Variants in HIPK3 observed in about 807,000 individuals in gnomAD.
HIPK3 encodes homeodomain interacting protein kinase 3, also known as homeodomain-interacting protein kinase 3.
Under a neutral mutation model 124.2 loss-of-function variants are expected in HIPK3, and 47 were observed. The ratio of observed to expected loss-of-function variants is 0.38; its 90% confidence interval spans 0.30 to 0.48. The LOEUF is 0.48. Among genes scored for constraint, HIPK3 ranks in the 20% least tolerant of loss-of-function variants. HIPK3 has a pLI of 0.98. For missense variants in HIPK3, 1,286 were observed against 1,454.3 expected, an observed-to-expected ratio of 0.88 and a Z score of 1.88; for synonymous variants, 482 against 515.2, an observed-to-expected ratio of 0.94 and a Z score of 0.87.
rs1853310205 is a variant in HIPK3 at position 33,340,812 on chromosome 11, A to G, written c.1614-156A>G. Reference sequence around the variant, plus strand: ...CTCTGAAACTTAATCTTTTCTGGTAAGATTTCCTGTTAGAAATACTATTGG... The same window carrying G: ...CTCTGAAACTTAATCTTTTCTGGTAGGATTTCCTGTTAGAAATACTATTGG... On this transcript the variant is annotated intron_variant, in intron 6 of 16. Transcript: ENST00000303296. Among the ~76,000 whole-genome samples, 2 of 152,238 alleles carry G rather than the reference A, an allele frequency of 1.3e-5. 1 individual carries two copies. The highest frequency in any genetic ancestry group is 4.1e-4 in the South Asian group (2 of 4,834).
chr11:33,257,574 G>A lies in HIPK3; in HGVS notation c.-318G>A. 1.0e-6 allele frequency: 1 copy of A among 985,894 alleles called. No individual in the cohort carries two copies. 61.1% of individuals were successfully genotyped at this position (985,894 alleles called of 1,614,324 possible). A position where few individuals can be genotyped will look rare whatever the true frequency, so the allele number is the denominator to read the frequency against. On this transcript the variant is annotated 5_prime_UTR_variant, in exon 1 of 17. Transcript: ENST00000303296. ...GGCCCCAGTAGCCGGAGGCCGACCG[G>A]CCTCCCACTACCCCTCGCCCTAGCC...
chr11:33,340,196 A>G (rs1853288706), intron 6 of HIPK3, among the ~76,000 whole-genome samples: 1 of 152,072 alleles, frequency 6.6e-6, no homozygotes, highest in Non-Finnish European at 1.5e-5. Context: ...TCCTCCCACC[A>G]CCTCAGCCTC....
chr11:33,347,667 C>G lies in HIPK3; in HGVS notation c.2058C>G (p.Ala686=). ...SGRTQQMLVP[A]WQQVTPLAPA... ...GAACACAGCAGATGCTGGTGCCTGCCTGGCAACAGGTGACACCCCTGGCTC... is the reference window on the plus strand; with the variant it reads ...GAACACAGCAGATGCTGGTGCCTGCGTGGCAACAGGTGACACCCCTGGCTC... The change falls in exon 10 of 17, where the codon GCC becomes GCG. Residue 686 remains alanine (A), a synonymous_variant. Transcript: ENST00000303296. 6.2e-7 allele frequency: 1 copy of G among 1,614,138 alleles called. No individual in the cohort carries two copies. Among genetic ancestry groups the G allele is most frequent in the East Asian group, 2.2e-5 (1 of 44,880 alleles).
chr11:33,302,782 C>G (rs543159389), intron 2 of HIPK3, among the ~76,000 whole-genome samples: 1 of 152,240 alleles, frequency 6.6e-6, no homozygotes, highest in South Asian at 2.1e-4. Context: ...AATGCTATTA[C>G]TGATTTTTAT....
intron 1 of HIPK3, among the ~76,000 whole-genome samples, chr11:33,263,669 G>T (rs1469818323): frequency 6.6e-6 from 1 of 152,168 alleles, no homozygotes; most frequent in Non-Finnish European, 1.5e-5. Flanking sequence ...GTGAAAAATT[G>T]TAATAGCTTG....
intron 8 of HIPK3, among the ~76,000 whole-genome samples, chr11:33,341,993 C>T (rs983427256): frequency 9.6e-5 from 14 of 146,002 alleles, no homozygotes; most frequent in Non-Finnish European, 1.5e-4. Flanking sequence ...CCCAGCTACT[C>T]GGGAGGCTGA....
intron 1 of HIPK3, among the ~76,000 whole-genome samples, chr11:33,276,121 CA>C (rs2133884580): frequency 6.6e-6 from 1 of 152,300 alleles, no homozygotes; most frequent in South Asian, 2.1e-4. Flanking sequence ...CTAGATTATT[CA>C]AATGTTAACA....
In HIPK3 at chr11:33,341,547, G is replaced by T. The variant is rs756416372; in HGVS notation, c.1774-16G>T. 3.9e-5 allele frequency: 63 copies of T among 1,602,242 alleles called. No individual in the cohort carries two copies. Among genetic ancestry groups the T allele is most frequent in the Non-Finnish European group, 4.9e-5 (58 of 1,175,100 alleles). ...CATTTAGAAGACTGCTCTATATAAT[G>T]TGCTCGTTGTTTCAGGCATTGACCA... On this transcript the variant is annotated splice_polypyrimidine_tract_variant and intron_variant, in intron 7 of 16. Coordinates refer to ENST00000303296, the MANE Select transcript of HIPK3 (RefSeq NM_005734.5).
rs1460554724 is a variant in HIPK3 at position 33,356,132 on chromosome 11, A to AATGTTGT, written c.*2567_*2573dup. 21 of 152,142 alleles carry AATGTTGT rather than the reference A, an allele frequency of 1.4e-4. No individual in the cohort carries two copies. The East Asian group carries it at 4.0e-3, about 29-fold the overall frequency. 9.4% of individuals were successfully genotyped at this position (152,142 alleles called of 1,614,324 possible). ...TTTAGGGCCATGTTTACTACCCTGA[A>AATGTTGT]ATGTTGTATTTTTTGTCTTTAATTT... On this transcript the variant is annotated 3_prime_UTR_variant, in exon 17 of 17. Transcript: ENST00000303296.
chr11:33,326,534 C>G (rs1852816476), intron 2 of HIPK3, among the ~76,000 whole-genome samples: 1 of 152,152 alleles, frequency 6.6e-6, no homozygotes, highest in African/African-American at 2.4e-5. Context: ...AGAGAAATAG[C>G]TGTTTTTAGG....
At chr11:33,329,189 A>G (rs1288917542) in intron 3 of HIPK3, among the ~76,000 whole-genome samples, 1 of 152,182 alleles carries the variant, frequency 6.6e-6, no homozygotes, top group African/African-American at 2.4e-5. Context: ...AGGTATATTC[A>G]TTAGCCTTTC....
intron 3 of HIPK3, among the ~76,000 whole-genome samples, chr11:33,331,106 C>T (rs566697135): frequency 6.6e-6 from 1 of 152,124 alleles, no homozygotes; most frequent in South Asian, 2.1e-4. Context: ...AGGTCTTAAA[C>T]TCCTGATCTC....
chr11:33,261,504 T>A (rs1850826875), intron 1 of HIPK3, among the ~76,000 whole-genome samples: 1 of 152,208 alleles, frequency 6.6e-6, no homozygotes, highest in African/African-American at 2.4e-5. Context: ...TTAAGGATGA[T>A]GGCCTCCAGC....
chr11:33,256,725 A>C, upstream of HIPK3: 6 of 984,126 alleles, frequency 6.1e-6, no homozygotes, highest in Non-Finnish European at 7.2e-6. Flanking sequence ...TAAACCGACT[A>C]ATTTAACGGA....
intron 8 of HIPK3, among the ~76,000 whole-genome samples, chr11:33,346,445 TC>T (rs950503751): frequency 1.2e-4 from 19 of 152,294 alleles, no homozygotes; most frequent in African/African-American, 4.3e-4. Context: ...GAGTGTGCCA[TC>T]CCGGAATTTT....
chr11:33,300,834 C>T (rs1308548509), intron 2 of HIPK3, among the ~76,000 whole-genome samples: 1 of 152,132 alleles, frequency 6.6e-6, no homozygotes, highest in East Asian at 1.9e-4. Flanking sequence ...CCGCCGGGCT[C>T]ATATGACCCT....
chr11:33,297,778 C>CTT lies in HIPK3; in HGVS notation c.1097+10292_1097+10293dup, dbSNP rs1015881408. Among the ~76,000 whole-genome samples the CTT allele has an allele frequency of 6.2e-3, 505 of 81,976 alleles. 57 individuals are homozygous for CTT. Among genetic ancestry groups the CTT allele is most frequent in the African/African-American group, 0.016 (331 of 21,170 alleles). 53.8% of individuals were successfully genotyped at this position (81,976 alleles called of 152,430 possible). On this transcript the variant is annotated intron_variant, in intron 2 of 16. Coordinates refer to ENST00000303296, the MANE Select transcript of HIPK3 (RefSeq NM_005734.5). ...TGGCTTCAGAACTTCAAAGAACAGGCTTTTTTTTTTTTTTTTTTTTTTTTT... is the reference window on the plus strand; with the variant it reads ...TGGCTTCAGAACTTCAAAGAACAGGCTTTTTTTTTTTTTTTTTTTTTTTTTTT...
chr11:33,270,847 T>C (rs1468310026), intron 1 of HIPK3, among the ~76,000 whole-genome samples: 3 of 152,178 alleles, frequency 2.0e-5, no homozygotes, highest in Non-Finnish European at 4.4e-5. Flanking sequence ...AACATTGTTA[T>C]ATCCAGTTAT....
intron 2 of HIPK3, among the ~76,000 whole-genome samples, chr11:33,305,185 A>G (rs1166063127): frequency 6.6e-6 from 1 of 151,976 alleles, no homozygotes; most frequent in African/African-American, 2.4e-5. Context: ...ATTTTTTGGT[A>G]GAGGCAGGGT....
Sources: allele counts gnomAD v4.1 joint callset (sites outside exome capture counted in the v4.1 genomes callset), GRCh38; gene constraint gnomAD v4.1.1; transcripts MANE v1.5; gene names NCBI Gene and HGNC (gene_info 2026-07-23, HGNC 2026-07-21).